Variants in TSPAN18 observed in about 807,000 individuals in gnomAD.
The protein encoded by TSPAN18 is tetraspanin 18.
A neutral mutation model predicts 27.3 loss-of-function variants in TSPAN18; 14 were observed. That is an observed-to-expected ratio of 0.51 (90% CI 0.34 to 0.80). TSPAN18 has a LOEUF of 0.80. Among genes scored for constraint, TSPAN18 ranks in the 30% least tolerant of loss-of-function variants. The probability of loss-of-function intolerance (pLI) is 0.01; values close to 1 mark genes in which losing one functional copy is unlikely to be tolerated. For synonymous variants in TSPAN18, 143 were observed against 136.5 expected (o/e 1.05, Z -0.33); for missense variants, 268 against 323.9 (o/e 0.83, Z 1.32).
intron 3 of TSPAN18, among the ~76,000 whole-genome samples, chr11:44,878,235 G>A (rs866388721): frequency 4.6e-5 from 7 of 152,048 alleles, no homozygotes; most frequent in Non-Finnish European, 7.4e-5. Context: ...CAATTAGAGC[G>A]GCAGCGGACC....
intron 2 of TSPAN18, among the ~76,000 whole-genome samples, chr11:44,779,887 T>C (rs1855897300): frequency 6.6e-6 from 1 of 151,740 alleles, no homozygotes; most frequent in Non-Finnish European, 1.5e-5. Context: ...CTGTGTATAC[T>C]TATGCACTCA....
intron 1 of TSPAN18, among the ~76,000 whole-genome samples, chr11:44,761,100 G>A (rs1855444477): frequency 6.6e-6 from 1 of 152,122 alleles, no homozygotes; most frequent in Admixed American, 6.5e-5. Flanking sequence ...CTTGCTCTGG[G>A]TCACAGCTAG....
chr11:44,841,863 T>C (rs1042660724), intron 2 of TSPAN18, among the ~76,000 whole-genome samples: 9 of 152,238 alleles, frequency 5.9e-5, no homozygotes, highest in Non-Finnish European at 1.2e-4. Flanking sequence ...TTTAGTCTTT[T>C]CTTCTAAGTC....
intron 8 of TSPAN18, among the ~76,000 whole-genome samples, chr11:44,923,090 C>A (rs756479738): frequency 5.9e-5 from 9 of 152,092 alleles, no homozygotes; most frequent in Non-Finnish European, 1.3e-4. Context: ...GCCTGGGCAG[C>A]ACAGTGAGAC....
At chr11:44,882,039 C>T (rs1858502423) in intron 3 of TSPAN18, among the ~76,000 whole-genome samples, 1 of 152,162 alleles carries the variant, frequency 6.6e-6, no homozygotes, top group Non-Finnish European at 1.5e-5. Context: ...TTCTTAGGCT[C>T]TCTCTGACCC....
intron 2 of TSPAN18, among the ~76,000 whole-genome samples, chr11:44,822,767 A>G (rs945371552): frequency 1.3e-5 from 2 of 152,090 alleles, no homozygotes; most frequent in South Asian, 2.1e-4. Context: ...TCAGACCCCA[A>G]ATGAAGACCA....
At position 44,906,412 on chromosome 11, in the gene TSPAN18, G is replaced by GT; in HGVS notation, c.-5_-4insT. 1 of 1,614,184 alleles carries GT rather than the reference G, an allele frequency of 6.2e-7. No homozygotes were observed. Among genetic ancestry groups the GT allele is most frequent in the Non-Finnish European group, 8.5e-7 (1 of 1,179,976 alleles). On this transcript the variant is annotated 5_prime_UTR_variant, in exon 4 of 10. Coordinates refer to ENST00000520358, the MANE Select transcript of TSPAN18 (RefSeq NM_130783.5). The stretch of plus-strand genomic sequence containing the variant: ...AGGTGGCCTTGTATTTCTAGGTGGA[G>GT]CACCATGGAAGGCGACTGTCTGAGC...
chr11:44,795,184 A>C lies in TSPAN18; in HGVS notation c.-153+30672A>C, dbSNP rs1471520814. 2.0e-5 allele frequency among the ~76,000 whole-genome samples: 3 copies of C among 150,112 alleles called. No homozygotes were observed. The East Asian group carries it at 5.9e-4, about 30-fold the overall frequency. ...CATCCTTACCACCTGGGCTCCTTCAACAAGCTGGGCCAGTTCCGGTCCTCA... is the reference window on the plus strand; with the variant it reads ...CATCCTTACCACCTGGGCTCCTTCACCAAGCTGGGCCAGTTCCGGTCCTCA... On this transcript the variant is annotated intron_variant, in intron 2 of 9. Coordinates refer to ENST00000520358, the MANE Select transcript of TSPAN18 (RefSeq NM_130783.5).
chr11:44,766,330 G>A (rs1855566290), intron 2 of TSPAN18, among the ~76,000 whole-genome samples: 1 of 152,216 alleles, frequency 6.6e-6, no homozygotes, highest in African/African-American at 2.4e-5. Flanking sequence ...CTCACTGACA[G>A]CGTCTGTGTC....
At position 44,774,272 on chromosome 11, in the gene TSPAN18, G is replaced by A. The variant is rs1235754721; in HGVS notation, c.-153+9760G>A. On this transcript the variant is annotated intron_variant, in intron 2 of 9. Coordinates refer to ENST00000520358, the MANE Select transcript of TSPAN18 (RefSeq NM_130783.5). ...CAGGCAGGCATGTCCCACGGGAGAAGGAGGGGGCAGAGCCCAGGGGTGTGG... is the reference window on the plus strand; with the variant it reads ...CAGGCAGGCATGTCCCACGGGAGAAAGAGGGGGCAGAGCCCAGGGGTGTGG... Among the ~76,000 whole-genome samples the A allele has an allele frequency of 2.0e-5, 3 of 152,234 alleles. No homozygotes were observed. The East Asian group carries it at 5.8e-4, about 29-fold the overall frequency.
rs144431951 is a variant in TSPAN18 at position 44,768,515 on chromosome 11, T to G, written c.-153+4003T>G. Among the ~76,000 whole-genome samples the G allele has an allele frequency of 1.0e-3, 158 of 152,258 alleles. 2 individuals carry two copies. The highest frequency in any genetic ancestry group is 0.01 in the Middle Eastern group (3 of 294). ...TTTTTTTTTTGTAATTTCTTTCAGGTTTTCTACATAAATGATCATATCTTC... is the reference window on the plus strand; with the variant it reads ...TTTTTTTTTTGTAATTTCTTTCAGGGTTTCTACATAAATGATCATATCTTC... On this transcript the variant is annotated intron_variant, in intron 2 of 9. Transcript: ENST00000520358.
rs2135392808 is a variant in TSPAN18, at chr11:44,930,715, G to C, written c.*1537G>C. The stretch of plus-strand genomic sequence containing the variant: ...GGCTGTGCTGGGGATCTGAGGTTTG[G>C]TCTGGGCTCAGTGGGAGACGGCAGT... On this transcript the variant is annotated 3_prime_UTR_variant, in exon 10 of 10. Transcript: ENST00000520358. 2.5e-6 allele frequency: 1 copy of C among 401,892 alleles called. No homozygotes were observed. Among genetic ancestry groups the C allele is most frequent in the African/African-American group, 2.0e-5 (1 of 48,958 alleles). 24.9% of individuals were successfully genotyped at this position (401,892 alleles called of 1,614,324 possible). A position where few individuals can be genotyped will look rare whatever the true frequency, so the allele number is the denominator to read the frequency against.
At chr11:44,867,296 G>A (rs1858063287) in intron 3 of TSPAN18, among the ~76,000 whole-genome samples, 1 of 151,732 alleles carries the variant, frequency 6.6e-6, no homozygotes, top group Admixed American at 6.6e-5. Context: ...AGCAGGCAGT[G>A]GTCTGTCTAA....
chr11:44,775,234 T>C (rs1855778124), intron 2 of TSPAN18, among the ~76,000 whole-genome samples: 3 of 152,248 alleles, frequency 2.0e-5, no homozygotes, highest in Admixed American at 6.5e-5. Flanking sequence ...TTCCATGTAC[T>C]ATTTAGGAAG....
At chr11:44,911,545 T>G (rs1859714138) in intron 5 of TSPAN18, among the ~76,000 whole-genome samples, 1 of 152,166 alleles carries the variant, frequency 6.6e-6, no homozygotes, top group Non-Finnish European at 1.5e-5. Flanking sequence ...GTCACGGTGC[T>G]CGCAGAAGTC....
At chr11:44,912,579 A>G (rs1859760472) in intron 5 of TSPAN18, among the ~76,000 whole-genome samples, 1 of 152,162 alleles carries the variant, frequency 6.6e-6, no homozygotes, top group African/African-American at 2.4e-5. Context: ...ACCTAAAATT[A>G]TATGCAAAAT....
intron 2 of TSPAN18, among the ~76,000 whole-genome samples, chr11:44,824,549 T>A (rs1328542810): frequency 6.6e-6 from 1 of 152,132 alleles, no homozygotes; most frequent in Non-Finnish European, 1.5e-5. Context: ...CCCTGTGACC[T>A]CCAAACAAAG....
At chr11:44,840,067 G>A (rs111983177) in intron 2 of TSPAN18, among the ~76,000 whole-genome samples, 8 of 152,206 alleles carry the variant, frequency 5.3e-5, no homozygotes, top group Admixed American at 3.9e-4. Context: ...TTTGCTCTGC[G>A]CAAAACCAAT....
At chr11:44,878,369 G>A (rs866153080) in intron 3 of TSPAN18, among the ~76,000 whole-genome samples, 4 of 152,190 alleles carry the variant, frequency 2.6e-5, no homozygotes, top group South Asian at 4.1e-4. Flanking sequence ...GAGATCCAGC[G>A]TCTCCATCCC....
Sources: gnomAD v4.1 joint callset for allele counts (sites outside exome capture counted in the v4.1 genomes callset) on GRCh38, gnomAD v4.1.1 for gene constraint, MANE v1.5 for transcripts, NCBI Gene and HGNC (gene_info 2026-07-23, HGNC 2026-07-21) for gene names.